Variants in ADAMTS16 observed in about 807,000 individuals in gnomAD.
The protein encoded by ADAMTS16 is ADAM metallopeptidase with thrombospondin type 1 motif 16, also known as A disintegrin and metalloproteinase with thrombospondin motifs 16.
Under a neutral mutation model 145.8 loss-of-function variants are expected in ADAMTS16, and 94 were observed. The ratio of observed to expected loss-of-function variants is 0.64; its 90% CI spans 0.55 to 0.77. The LOEUF is 0.77. Ranked by LOEUF, ADAMTS16 falls within the 30% of genes least tolerant of loss-of-function variation. The pLI is 0.00. For missense variants in ADAMTS16, 1,585 were observed against 1,591.5 expected (o/e 1.00, Z 0.07); for synonymous variants, 659 against 604.3 (o/e 1.09, Z -1.33).
chr5:5,313,537 T>C (rs939244411), intron 21 of ADAMTS16, among the ~76,000 whole-genome samples: 5 of 152,204 alleles, frequency 3.3e-5, no homozygotes, highest in Admixed American at 3.3e-4. Flanking sequence ...TGACCCCACA[T>C]GCAGAGACAG....
At chr5:5,176,236 C>T (rs1265069162) in intron 3 of ADAMTS16, 2 of 152,220 alleles carry the variant, frequency 1.3e-5, no homozygotes, top group East Asian at 3.9e-4. Context: ...TGAAATGTTT[C>T]CTTGTTGCAC....
chr5:5,195,596 A>G (rs762114496), intron 8 of ADAMTS16, among the ~76,000 whole-genome samples: 6 of 152,238 alleles, frequency 3.9e-5, no homozygotes, highest in African/African-American at 7.2e-5. Flanking sequence ...TTTGAGCTGT[A>G]CATTCCACTT....
intron 9 of ADAMTS16, among the ~76,000 whole-genome samples, chr5:5,201,209 G>T (rs569210183): frequency 6.6e-6 from 1 of 152,222 alleles, no homozygotes; most frequent in South Asian, 2.1e-4. Flanking sequence ...GCGGGACAAG[G>T]GTGGTGTTCC....
chr5:5,168,621 TA>T (rs1734952941), intron 3 of ADAMTS16, among the ~76,000 whole-genome samples: 1 of 86,936 alleles, frequency 1.2e-5, no homozygotes, highest in Admixed American at 1.2e-4. Context: ...TTTTATATAT[TA>T]TATTATATAT....
intron 18 of ADAMTS16, among the ~76,000 whole-genome samples, chr5:5,272,768 T>C (rs1738534199): frequency 6.6e-6 from 1 of 152,156 alleles, no homozygotes; most frequent in Non-Finnish European, 1.5e-5. Context: ...TCAACATGGC[T>C]TTCTGGAATA....
chr5:5,161,678 C>T (rs1352497849), intron 3 of ADAMTS16, among the ~76,000 whole-genome samples: 1 of 152,326 alleles, frequency 6.6e-6, no homozygotes, highest in East Asian at 1.9e-4. Flanking sequence ...GTCCTTTCCA[C>T]TATTTTTCTC....
At position 5,269,837 on chromosome 5, in the gene ADAMTS16, G is replaced by A. The variant is rs1299049644; in HGVS notation, c.2789+7054G>A. Among the ~76,000 whole-genome samples, 1 of 152,046 alleles carries A rather than the reference G, an allele frequency of 6.6e-6. No individual in the cohort carries two copies. Among genetic ancestry groups the A allele is most frequent in the African/African-American group, 2.4e-5 (1 of 41,388 alleles). On this transcript the variant is annotated intron_variant, in intron 18 of 22. Coordinates refer to ENST00000274181, the MANE Select transcript of ADAMTS16 (RefSeq NM_139056.4). This position sits in a 1 kb window ranked among gnomAD's most constrained non-coding sequence, Gnocchi z 4.3. ...TTCTACACTTGACTCTCTCAAACAC[G>A]GTTTAATACACACATGCTGTCAAGA...
At chr5:5,179,117 C>T (rs769517842) in intron 3 of ADAMTS16, among the ~76,000 whole-genome samples, 2 of 149,906 alleles carry the variant, frequency 1.3e-5, no homozygotes, top group African/African-American at 4.9e-5. Context: ...CTTACAAACT[C>T]GTGACAAGTA....
chr5:5,244,828 G>A (rs576911298), intron 17 of ADAMTS16, among the ~76,000 whole-genome samples: 5 of 152,300 alleles, frequency 3.3e-5, no homozygotes, highest in African/African-American at 7.2e-5. Flanking sequence ...ATGAGGAGAC[G>A]ACCTTACACG....
rs1734190965 is a variant in ADAMTS16, at chr5:5,319,352, G to A, written c.*214G>A. On this transcript the variant is annotated 3_prime_UTR_variant, in exon 23 of 23. Transcript: ENST00000274181. ...CCATGCACACAGTGTCTCCTGTCAG[G>A]CTGAAATGTGGCACCCTGGCAGACA... 1 of 540,630 alleles carries A rather than the reference G, an allele frequency of 1.8e-6. No homozygotes were observed. Among genetic ancestry groups the A allele is most frequent in the Non-Finnish European group, 3.3e-6 (1 of 300,458 alleles). 33.5% of individuals were successfully genotyped at this position (540,630 alleles called of 1,614,324 possible).
At chr5:5,197,718 A>G (rs1206375331) in intron 8 of ADAMTS16, among the ~76,000 whole-genome samples, 1 of 152,188 alleles carries the variant, frequency 6.6e-6, no homozygotes, top group Non-Finnish European at 1.5e-5. Flanking sequence ...TTCTTCTGTG[A>G]CTTTATTAAT....
At chr5:5,232,252 C>A in intron 11 of ADAMTS16, 116 bp from the exon 12 acceptor site, 3 of 1,197,120 alleles carry the variant, frequency 2.5e-6, no homozygotes, top group Non-Finnish European at 1.2e-6. Flanking sequence ...TAGGGGGAGG[C>A]TAATGTCTGC....
intron 10 of ADAMTS16, among the ~76,000 whole-genome samples, chr5:5,217,903 C>T (rs1183587704): frequency 6.6e-6 from 1 of 152,186 alleles, no homozygotes; most frequent in Non-Finnish European, 1.5e-5. Flanking sequence ...TGGCCTGACC[C>T]TGCAATCTGA....
chr5:5,319,432 A>G lies in ADAMTS16; in HGVS notation c.*294A>G, dbSNP rs372448404. ...CACCACAACGGGAGAGGCAGCACTCACCCCTGCCTGTTGCAGCTAAATCAA... is the reference window on the plus strand; with the variant it reads ...CACCACAACGGGAGAGGCAGCACTCGCCCCTGCCTGTTGCAGCTAAATCAA... On this transcript the variant is annotated 3_prime_UTR_variant, in exon 23 of 23. Transcript: ENST00000274181. 4.5e-5 allele frequency: 19 copies of G among 418,312 alleles called. No homozygotes were observed. Among genetic ancestry groups the G allele is most frequent in the African/African-American group, 3.6e-4 (18 of 49,476 alleles). The allele number at this position is 418,312 out of a possible 1,614,324, so 25.9% of individuals were successfully genotyped here.
chr5:5,235,327 G>C, intron 13 of ADAMTS16, 141 bp downstream of exon 13: 1 of 938,600 alleles, frequency 1.1e-6, no homozygotes, highest in East Asian at 3.2e-5. Flanking sequence ...TCTTCTGGAG[G>C]TTAGTTTTAT....
intron 11 of ADAMTS16, among the ~76,000 whole-genome samples, chr5:5,226,865 T>C (rs1736780256): frequency 1.3e-5 from 2 of 152,194 alleles, no homozygotes; most frequent in African/African-American, 4.8e-5. Context: ...AGAGTTCTTC[T>C]GGGAAAGAGA....
At chr5:5,281,180 T>G (rs1234685397) in intron 18 of ADAMTS16, among the ~76,000 whole-genome samples, 1 of 152,228 alleles carries the variant, frequency 6.6e-6, no homozygotes, top group Non-Finnish European at 1.5e-5. Context: ...TTAAGGCTCT[T>G]CTAATCGCAA....
intron 11 of ADAMTS16, among the ~76,000 whole-genome samples, chr5:5,224,058 G>A (rs1736684180): frequency 6.6e-6 from 1 of 151,984 alleles, no homozygotes; most frequent in African/African-American, 2.4e-5. Context: ...ACGTTTTCAG[G>A]TTAAATTATT....
In ADAMTS16 at chr5:5,303,600, G is replaced by A. The variant is rs748163007; in HGVS notation, c.3020G>A (p.Arg1007Lys). The change falls in exon 20 of 23, where the codon AGG (arginine) becomes AAG (lysine). Residue 1007 changes from arginine (R) to lysine (K), a missense_variant. This residue lies in a region of ADAMTS16 where 834 missense variants were observed against 811.7 expected (regional missense o/e 1.03). Coordinates refer to ENST00000274181, the MANE Select transcript of ADAMTS16 (RefSeq NM_139056.4). ...TCACACACCTGTGGGAAGGGGTGGA[G>A]GAAGCGGGCAGTGGCCTGTAAGAGC... Reference protein sequence around the residue: ...ECSHTCGKGWRKRAVACKSTN... With the variant: ...ECSHTCGKGWKKRAVACKSTN... 3 of 1,614,176 alleles carry A rather than the reference G, an allele frequency of 1.9e-6. No homozygotes were observed. In the South Asian group the frequency reaches 3.3e-5, roughly 18 times the overall value.
Sources: allele counts gnomAD v4.1 joint callset (sites outside exome capture counted in the v4.1 genomes callset), GRCh38; gene constraint gnomAD v4.1.1; regional missense constraint gnomAD v4.1.1; non-coding constraint Gnocchi (gnomAD v3.1); transcripts MANE v1.5; gene names NCBI Gene and HGNC (gene_info 2026-07-23, HGNC 2026-07-21).